The following ADK variants were observed in gnomAD, a reference collection of about 807,000 sequenced individuals.
The protein encoded by ADK is N6,N6-dimethyladenosine kinase.
In ADK, 24 loss-of-function variants were observed where a neutral mutation model predicts 44.7. The observed-to-expected ratio is 0.54, with a 90% confidence interval of 0.39 to 0.76. The LOEUF (loss-of-function observed/expected upper bound fraction) is 0.76. Among genes scored for constraint, ADK ranks in the 30% least tolerant of loss-of-function variants. The pLI is 0.00. For missense variants in ADK, 321 were observed against 425.1 expected (o/e 0.76, Z 2.15); for synonymous variants, 128 against 142.6 (o/e 0.90, Z 0.73).
At chr10:74,475,692 C>G (rs1371012106) in intron 6 of ADK, among the ~76,000 whole-genome samples, 1 of 151,084 alleles carries the variant, frequency 6.6e-6, no homozygotes, top group Non-Finnish European at 1.5e-5. Context: ...GGTGACAGAG[C>G]AAGGCCCTGT....
intron 1 of ADK, among the ~76,000 whole-genome samples, chr10:74,156,078 T>C (rs981497697): frequency 1.3e-5 from 2 of 152,134 alleles, no homozygotes; most frequent in Non-Finnish European, 2.9e-5. Context: ...TATATACTAG[T>C]GCAGCGTGAG....
chr10:74,356,015 T>TTG (rs1564672715), intron 4 of ADK, among the ~76,000 whole-genome samples: 13 of 133,086 alleles, frequency 9.8e-5, no homozygotes, highest in South Asian at 5.1e-4. Context: ...TTTTTTTTTT[T>TTG]TTTTTTTTTT....
intron 9 of ADK, among the ~76,000 whole-genome samples, chr10:74,656,716 A>G (rs1034450750): frequency 6.6e-6 from 1 of 152,232 alleles, no homozygotes; most frequent in South Asian, 2.1e-4. Flanking sequence ...TGAGGATTAC[A>G]TGGGATATTA....
At chr10:74,474,742 T>C (rs1459239075) in intron 6 of ADK, among the ~76,000 whole-genome samples, 1 of 152,170 alleles carries the variant, frequency 6.6e-6, no homozygotes, top group African/African-American at 2.4e-5. Flanking sequence ...AGGCTGGTCT[T>C]GAACCTTCTA....
At chr10:74,395,187 A>G (rs527539574) in intron 5 of ADK, among the ~76,000 whole-genome samples, 6 of 152,146 alleles carry the variant, frequency 3.9e-5, no homozygotes, top group Admixed American at 3.9e-4. Flanking sequence ...GTCCTCCTCC[A>G]TTCCCTATCT....
At chr10:74,502,002 A>AT (rs1403549180) in intron 6 of ADK, among the ~76,000 whole-genome samples, 1 of 152,136 alleles carries the variant, frequency 6.6e-6, no homozygotes, top group Non-Finnish European at 1.5e-5. Flanking sequence ...AAATCAGTTG[A>AT]TTTAAGACTT....
At chr10:74,636,735 G>A (rs1479399976) in intron 9 of ADK, among the ~76,000 whole-genome samples, 1 of 152,188 alleles carries the variant, frequency 6.6e-6, no homozygotes, top group African/African-American at 2.4e-5. Flanking sequence ...CACAAGAAGA[G>A]GAAGCAGCCA....
intron 7 of ADK, among the ~76,000 whole-genome samples, chr10:74,566,830 A>C (rs867204634): frequency 6.6e-5 from 10 of 152,204 alleles, no homozygotes; most frequent in Non-Finnish European, 8.8e-5. Context: ...TTTTAAAAAG[A>C]TACTTTACTT....
intron 9 of ADK, among the ~76,000 whole-genome samples, chr10:74,620,043 A>G (rs1852927979): frequency 6.6e-6 from 1 of 152,242 alleles, no homozygotes; most frequent in African/African-American, 2.4e-5. Context: ...TTTGATACAT[A>G]TAATGTATGG....
At position 74,177,103 on chromosome 10, in the gene ADK, C is replaced by CT. The variant is rs568637444; in HGVS notation, c.66-23659dup. 2.0e-5 allele frequency among the ~76,000 whole-genome samples: 3 copies of CT among 152,352 alleles called. No individual in the cohort carries two copies. The South Asian group carries it at 6.2e-4, about 32-fold the overall frequency. ...CATTGCGGAGTTCTGTGTGTCGCTG[C>CT]TTGGTCGAGGTGACCCTCGCCCAAA... is the stretch of plus-strand genomic sequence containing the variant. On this transcript the variant is annotated intron_variant, in intron 1 of 10. Transcript: ENST00000539909.
At position 74,277,260 on chromosome 10, in the gene ADK, C is replaced by A. The variant is rs530159610; in HGVS notation, c.195-37407C>A. On this transcript the variant is annotated intron_variant, in intron 3 of 10. Coordinates refer to ENST00000539909, the MANE Select transcript of ADK (RefSeq NM_006721.4). ...GAATACTTAGCTCATTCATTTACAG[C>A]CTTTTTTCATTTCTAAGATGAGCAC... Among the ~76,000 whole-genome samples the A allele has an allele frequency of 2.0e-5, 3 of 152,268 alleles. No individual in the cohort carries two copies. In the South Asian group the frequency reaches 6.2e-4, roughly 32 times the overall value.
chr10:74,528,641 T>A (rs1324091372), intron 7 of ADK, among the ~76,000 whole-genome samples: 4 of 152,174 alleles, frequency 2.6e-5, no homozygotes, highest in Non-Finnish European at 5.9e-5. Flanking sequence ...GGATTCATAT[T>A]CAGAATATTT....
chr10:74,480,694 G>A (rs1475116663), intron 6 of ADK, among the ~76,000 whole-genome samples: 1 of 152,134 alleles, frequency 6.6e-6, no homozygotes, highest in African/African-American at 2.4e-5. Flanking sequence ...TTACCAGGAT[G>A]TGTCTTAGAC....
At chr10:74,265,406 G>C (rs1846179134) in intron 3 of ADK, among the ~76,000 whole-genome samples, 1 of 151,856 alleles carries the variant, frequency 6.6e-6, no homozygotes, top group African/African-American at 2.4e-5. Flanking sequence ...AGTAGAGACG[G>C]GGTTTCACCA....
intron 6 of ADK, among the ~76,000 whole-genome samples, chr10:74,417,514 C>T (rs1844414392): frequency 6.6e-6 from 1 of 152,006 alleles, no homozygotes. Flanking sequence ...TCAGTATGTC[C>T]ACTGGCTTAT....
chr10:74,212,643 C>T lies in ADK; in HGVS notation c.140+11805C>T, dbSNP rs115634894. 4.5e-3 allele frequency among the ~76,000 whole-genome samples: 691 copies of T among 152,282 alleles called. 6 individuals carry two copies. Among genetic ancestry groups the T allele is most frequent in the African/African-American group, 0.015 (631 of 41,556 alleles). ...ACTGGCTACTGAGCTTGAAATCTCTCGTGCCTCTATTATTGGCAATGGAGA... is the reference window on the plus strand; with the variant it reads ...ACTGGCTACTGAGCTTGAAATCTCTTGTGCCTCTATTATTGGCAATGGAGA... On this transcript the variant is annotated intron_variant, in intron 2 of 10. Coordinates refer to ENST00000539909, the MANE Select transcript of ADK (RefSeq NM_006721.4).
intron 6 of ADK, among the ~76,000 whole-genome samples, chr10:74,497,246 T>C (rs1847724877): frequency 6.6e-6 from 1 of 152,284 alleles, no homozygotes; most frequent in Non-Finnish European, 1.5e-5. Flanking sequence ...TAAGAAGTTT[T>C]ACACTGGGAT....
At chr10:74,665,495 G>T (rs1854912625) in intron 9 of ADK, among the ~76,000 whole-genome samples, 1 of 152,106 alleles carries the variant, frequency 6.6e-6, no homozygotes, top group Admixed American at 6.6e-5. Flanking sequence ...GTGTTTAGGA[G>T]GCTGAGGCAG....
At chr10:74,253,253 G>A (rs1372592701) in intron 3 of ADK, among the ~76,000 whole-genome samples, 3 of 152,258 alleles carry the variant, frequency 2.0e-5, no homozygotes, top group African/African-American at 4.8e-5. Flanking sequence ...TAGGCAGAGA[G>A]TAGCAGTTCA....
Sources: allele counts gnomAD v4.1 joint callset (sites outside exome capture counted in the v4.1 genomes callset), GRCh38; gene constraint gnomAD v4.1.1; transcripts MANE v1.5; gene names NCBI Gene and HGNC (gene_info 2026-07-23, HGNC 2026-07-21).